Variants in C4orf50 observed in about 807,000 individuals in gnomAD.
C4orf50 encodes uncharacterized protein C4orf50.
In C4orf50, 80 loss-of-function variants were observed where a neutral mutation model predicts 77.2. The ratio of observed to expected loss-of-function variants is 1.04; its 90% CI spans 0.87 to 1.25. The LOEUF is 1.25. C4orf50 is among the 50% of genes most tolerant of loss of function. The pLI, the probability that C4orf50 is intolerant of heterozygous loss-of-function variation, is 0.00. For synonymous variants in C4orf50, 532 were observed against 465.3 expected, an observed-to-expected ratio of 1.14 and a Z score of -1.84; for missense variants, 1,257 against 1,152.9, an observed-to-expected ratio of 1.09 and a Z score of -1.31.
intron 25 of C4orf50, among the ~76,000 whole-genome samples, chr4:6,003,207 A>G (rs541334219): frequency 6.6e-6 from 1 of 152,038 alleles, no homozygotes; most frequent in Non-Finnish European, 1.5e-5. Context: ...GGCCCCATCC[A>G]CCCTAGGGAC....
intron 7 of C4orf50, among the ~76,000 whole-genome samples, chr4:5,911,008 C>T (rs1256541549): frequency 6.6e-6 from 1 of 150,902 alleles, no homozygotes; most frequent in Non-Finnish European, 1.5e-5. Flanking sequence ...CGGGTTCACG[C>T]CATTCTCCTG....
At chr4:5,910,810 G>C (rs766138057) in intron 7 of C4orf50, among the ~76,000 whole-genome samples, 3 of 151,992 alleles carry the variant, frequency 2.0e-5, no homozygotes, top group Admixed American at 6.6e-5. Flanking sequence ...TCAGTGGAGT[G>C]GGGGGGATAC....
intron 7 of C4orf50, among the ~76,000 whole-genome samples, chr4:5,907,688 A>G (rs1716614847): frequency 6.6e-6 from 1 of 152,152 alleles, no homozygotes; most frequent in African/African-American, 2.4e-5. Flanking sequence ...GGTGCTCTAG[A>G]TTGAGTTGTT....
intron 7 of C4orf50, among the ~76,000 whole-genome samples, chr4:5,924,370 G>C (rs886643276): frequency 3.3e-5 from 5 of 152,184 alleles, no homozygotes; most frequent in African/African-American, 1.2e-4. Flanking sequence ...GGCCAAAAGT[G>C]GGGGCTCCTG....
chr4:5,951,231 T>G (rs545939236), intron 7 of C4orf50, among the ~76,000 whole-genome samples: 16 of 152,370 alleles, frequency 1.1e-4, no homozygotes, highest in African/African-American at 3.8e-4. Flanking sequence ...GGTAGTTTTC[T>G]GTACAAAGTT....
chr4:5,914,615 A>G (rs1465726696), intron 7 of C4orf50, among the ~76,000 whole-genome samples: 6 of 152,218 alleles, frequency 3.9e-5, no homozygotes, highest in Admixed American at 3.9e-4. Flanking sequence ...TAATACCTAT[A>G]TAAGTTTACC....
At chr4:5,955,700 C>T (rs1001201114), downstream of C4orf50, among the ~76,000 whole-genome samples, 1 of 152,178 alleles carries the variant, frequency 6.6e-6, no homozygotes, top group African/African-American at 2.4e-5. This position sits in a 1 kb window ranked among gnomAD's most constrained non-coding sequence, Gnocchi z 5.1. Context: ...CAGATCCCAG[C>T]CTCCCAGCTG....
rs972634105 is a variant in C4orf50, at chr4:5,989,808, G to C, written c.2238C>G (p.Pro746=). Reference sequence around the variant, plus strand: ...CATGTTCCTGGGAGTCAGGCTCCTCGGGGGCACCCCTGCACCCCAGACCGG... The same window carrying C: ...CATGTTCCTGGGAGTCAGGCTCCTCCGGGGCACCCCTGCACCCCAGACCGG... Residue 746 remains proline, a synonymous_variant, in exon 28 of 34, where the codon CCC becomes CCG. Coordinates refer to ENST00000531445, the Ensembl canonical transcript of C4orf50. The C allele has an allele frequency of 1.1e-5, 16 of 1,505,080 alleles. No homozygotes were observed. In the East Asian group the frequency reaches 3.0e-4, roughly 28 times the overall value. 93.2% of individuals were successfully genotyped at this position (1,505,080 alleles called of 1,614,324 possible). A position where few individuals can be genotyped will look rare whatever the true frequency, so the allele number is the denominator to read the frequency against.
At chr4:5,956,686 G>A (rs66841448), downstream of C4orf50, 43,741 of 152,302 alleles carry the variant, frequency 0.29, 6,595 homozygotes, top group Non-Finnish European at 0.32. Context: ...GTGCAGTGGC[G>A]GAGGGGTGCA....
chr4:5,947,153 T>C (rs745467309), intron 7 of C4orf50, among the ~76,000 whole-genome samples: 1 of 152,144 alleles, frequency 6.6e-6, no homozygotes, highest in Non-Finnish European at 1.5e-5. Context: ...TTTGAACAAA[T>C]AGACTCCCTC....
intron 7 of C4orf50, among the ~76,000 whole-genome samples, chr4:5,946,172 T>C (rs1001484088): frequency 1.1e-4 from 16 of 152,138 alleles, no homozygotes; most frequent in African/African-American, 3.6e-4. Flanking sequence ...GTTCACCCCT[T>C]GTCCTGCCCC....
At chr4:5,920,239 A>T (rs1034357666) in intron 7 of C4orf50, among the ~76,000 whole-genome samples, 9 of 152,166 alleles carry the variant, frequency 5.9e-5, no homozygotes, top group African/African-American at 2.2e-4. Flanking sequence ...CAGGCTCTGG[A>T]ACGAGACTGC....
rs1577931926 is a variant in C4orf50 at position 5,958,775 on chromosome 4, T to G, written c.*600A>C. 1 of 152,400 alleles carries G rather than the reference T, an allele frequency of 6.6e-6. No individual in the cohort carries two copies. The highest frequency in any genetic ancestry group is 1.9e-4 in the East Asian group (1 of 5,186). The allele number at this position is 152,400 out of a possible 1,614,324, so 9.4% of individuals were successfully genotyped here. A position where few individuals can be genotyped will look rare whatever the true frequency, so the allele number is the denominator to read the frequency against. ...TTTAAATGTAAAATATATGGTGACT[T>G]AGGCGTTTCACTTAGTAGACAAAAA... On this transcript the variant is annotated 3_prime_UTR_variant, in exon 34 of 34. Coordinates refer to ENST00000531445, the Ensembl canonical transcript of C4orf50. This position sits in a 1 kb window ranked among gnomAD's most constrained non-coding sequence, Gnocchi z 5.4.
chr4:6,012,635 T>A (rs1350807804), intron 23 of C4orf50, among the ~76,000 whole-genome samples: 1 of 152,204 alleles, frequency 6.6e-6, no homozygotes, highest in African/African-American at 2.4e-5. Flanking sequence ...AGACTTTGCA[T>A]GGTCTTGCAA....
chr4:5,989,066 C>T, exon 28 of C4orf50: 1 of 1,536,048 alleles, frequency 6.5e-7, no homozygotes, highest in East Asian at 2.4e-5. Flanking sequence ...AAATATTGAT[C>T]CAGTTCTTTC....
At position 5,990,080 on chromosome 4, in the gene C4orf50, G is replaced by A. The variant is rs976515397; in HGVS notation, c.1966C>T (p.Arg656Ter). ...TCATTCTCTGATGACAGTCCTCCTC[G>A]GAGACCCCAGACGTATCCTTCCACC... Residue 656 changes from arginine to a stop codon, truncating the protein, a stop_gained, in exon 28 of 34, where the codon CGA becomes TGA. Coordinates refer to ENST00000531445, the Ensembl canonical transcript of C4orf50. LOFTEE classifies it high-confidence loss of function. 54 of 1,332,404 alleles carry A rather than the reference G, an allele frequency of 4.1e-5. No individual in the cohort carries two copies. Among genetic ancestry groups the A allele is most frequent in the East Asian group, 5.3e-5 (2 of 37,422 alleles). The allele number at this position is 1,332,404 out of a possible 1,614,324, so 82.5% of individuals were successfully genotyped here. A position where few individuals can be genotyped will look rare whatever the true frequency, so the allele number is the denominator to read the frequency against.
At chr4:5,912,661 G>A (rs1716860111) in intron 7 of C4orf50, among the ~76,000 whole-genome samples, 1 of 152,170 alleles carries the variant, frequency 6.6e-6, no homozygotes, top group African/African-American at 2.4e-5. Context: ...CCTAGAGGAA[G>A]GGGCATGCCA....
At chr4:5,987,190 C>T (rs535983445) in intron 28 of C4orf50, among the ~76,000 whole-genome samples, 15 of 151,886 alleles carry the variant, frequency 9.9e-5, no homozygotes, top group African/African-American at 3.4e-4. Flanking sequence ...GTGGGCAGAT[C>T]GCCTGAGCTC....
In C4orf50 at chr4:6,017,165, G is replaced by A. The variant is rs377427708; in HGVS notation, c.287+980C>T. On this transcript the variant is annotated intron_variant, in intron 23 of 33. Transcript: ENST00000531445. The surrounding 1 kb of genome is among the most constrained non-coding windows in gnomAD (Gnocchi z 4.7). ...AGCAGGAAGTTCTACAGAGAGAAAC[G>A]AATGCGGAGAACCTATTTCAAAGAT... Among the ~76,000 whole-genome samples, 63 of 152,348 alleles carry A rather than the reference G, an allele frequency of 4.1e-4. 2 individuals carry two copies. The South Asian group carries it at 0.012, about 29-fold the overall frequency.
Sources: gnomAD v4.1 joint callset for allele counts (sites outside exome capture counted in the v4.1 genomes callset) on GRCh38, gnomAD v4.1.1 for gene constraint, Gnocchi (gnomAD v3.1) non-coding constraint, MANE v1.5 for transcripts, NCBI Gene and HGNC (gene_info 2026-07-23, HGNC 2026-07-21) for gene names.